TYW1B: variants seen among roughly 807,000 people sequenced by gnomAD.
TYW1B encodes S-adenosyl-L-methionine-dependent tRNA 4-demethylwyosine synthase TYW1B.
In TYW1B, 73 loss-of-function variants were observed where a neutral mutation model predicts 86.9. The observed-to-expected ratio is 0.84, with a 90% CI of 0.70 to 1.02. The LOEUF (loss-of-function observed/expected upper bound fraction) is 1.02, where lower values mean the gene tolerates loss of function less well. Ranked by LOEUF, TYW1B falls within the 50% of genes least tolerant of loss-of-function variation. TYW1B has a pLI of 0.00. For synonymous variants in TYW1B, 248 were observed against 292.8 expected (o/e 0.85, Z 1.56); for missense variants, 637 against 827.4 (o/e 0.77, Z 2.82).
intron 7 of TYW1B, among the ~76,000 whole-genome samples, chr7:72,776,191 T>C (rs1421653614): frequency 1.3e-5 from 2 of 152,086 alleles, no homozygotes; most frequent in Non-Finnish European, 2.9e-5. Flanking sequence ...AAAAATTACA[T>C]ACAGGTTAAG....
chr7:72,586,433 G>A (rs1554430506), intron 13 of TYW1B, among the ~76,000 whole-genome samples: 1 of 152,178 alleles, frequency 6.6e-6, no homozygotes, highest in African/African-American at 2.4e-5. Flanking sequence ...TCATTTGGTT[G>A]GCAGAGAATA....
At chr7:72,712,453 C>G (rs1489682242) in intron 10 of TYW1B, among the ~76,000 whole-genome samples, 1 of 152,036 alleles carries the variant, frequency 6.6e-6, no homozygotes. Context: ...CTCAGCCTCC[C>G]GAGTAGCTGG....
rs138203294 is a variant in TYW1B, at chr7:72,758,664, T to C, written c.965-14063A>G. On this transcript the variant is annotated intron_variant, in intron 7 of 13. Transcript: ENST00000620995. ...TCAGTCTGAGCCTCCTTCCTTTTAG[T>C]AGAGGCTTTTTTACTTTATTTGGAA... Among the ~76,000 whole-genome samples the C allele has an allele frequency of 2.7e-4, 41 of 152,254 alleles. No individual in the cohort carries two copies. In the East Asian group the frequency reaches 7.3e-3, roughly 27 times the overall value.
chr7:72,670,135 T>A (rs376939542), intron 11 of TYW1B, among the ~76,000 whole-genome samples: 21 of 152,174 alleles, frequency 1.4e-4, no homozygotes, highest in African/African-American at 4.8e-4. Flanking sequence ...TGTCTCTAAA[T>A]AGTAATAGCA....
intron 11 of TYW1B, among the ~76,000 whole-genome samples, chr7:72,657,954 T>C (rs2844177): frequency 0.8 from 121,031 of 152,170 alleles, 48,664 homozygotes; most frequent in Middle Eastern, 0.86. Flanking sequence ...TGGAAGTAAC[T>C]ATCACAAAGT....
intron 10 of TYW1B, among the ~76,000 whole-genome samples, chr7:72,702,875 A>C (rs1382278896): frequency 6.6e-6 from 1 of 151,740 alleles, no homozygotes; most frequent in East Asian, 1.9e-4. Flanking sequence ...CAGTATTCTC[A>C]TTGTTTTCAC....
intron 6 of TYW1B, among the ~76,000 whole-genome samples, chr7:72,786,199 C>T (rs556051671): frequency 6.6e-6 from 1 of 152,232 alleles, no homozygotes; most frequent in African/African-American, 2.4e-5. Context: ...TATCCCATAT[C>T]CCCTAGAAAT....
chr7:72,634,354 T>TC (rs1471946177), intron 11 of TYW1B, among the ~76,000 whole-genome samples: 1 of 147,590 alleles, frequency 6.8e-6, no homozygotes, highest in African/African-American at 2.5e-5. Flanking sequence ...TTTTTTTTTT[T>TC]TCTTTTTTTT....
intron 2 of TYW1B, among the ~76,000 whole-genome samples, chr7:72,825,960 G>A (rs1418319891): frequency 1.3e-5 from 2 of 152,158 alleles, no homozygotes; most frequent in African/African-American, 2.4e-5. Context: ...GGAAAAGGCT[G>A]GGAGAAAGAA....
intron 11 of TYW1B, among the ~76,000 whole-genome samples, chr7:72,679,861 AG>A (rs1563056822): frequency 6.6e-6 from 1 of 152,218 alleles, no homozygotes; most frequent in African/African-American, 2.4e-5. Context: ...CAGGAGCAGT[AG>A]ATCACCTCTG....
intron 6 of TYW1B, among the ~76,000 whole-genome samples, chr7:72,801,174 C>T (rs1788397948): frequency 1.3e-5 from 2 of 151,982 alleles, no homozygotes; most frequent in South Asian, 2.1e-4. Flanking sequence ...ACTAAAAATA[C>T]AAAAATTAGC....
At chr7:72,770,735 T>C (rs1312896994) in intron 7 of TYW1B, among the ~76,000 whole-genome samples, 2 of 152,126 alleles carry the variant, frequency 1.3e-5, no homozygotes, top group Admixed American at 1.3e-4. Context: ...TAGTACTTTT[T>C]TTCATAATAG....
chr7:72,596,179 C>CAAA (rs58325295), intron 13 of TYW1B, among the ~76,000 whole-genome samples: 31 of 56,336 alleles, frequency 5.5e-4, no homozygotes, highest in South Asian at 7.7e-4. Flanking sequence ...AACTCTGTCT[C>CAAA]AAAAAAAAAA....
chr7:72,814,720 C>G (rs1257634598), intron 3 of TYW1B, among the ~76,000 whole-genome samples: 2 of 151,864 alleles, frequency 1.3e-5, no homozygotes, highest in Non-Finnish European at 2.9e-5. Flanking sequence ...CACTCCAGAG[C>G]CTGGGTGAGA....
At chr7:72,811,270 CA>C (rs1243709262) in intron 3 of TYW1B, among the ~76,000 whole-genome samples, 1,319 of 67,758 alleles carry the variant, frequency 0.019, 13 homozygotes, top group African/African-American at 0.056. Flanking sequence ...GACTCCATCT[CA>C]AAAAAAAAAA....
intron 13 of TYW1B, among the ~76,000 whole-genome samples, chr7:72,603,798 T>C (rs1322745635): frequency 2.0e-5 from 3 of 152,044 alleles, no homozygotes; most frequent in Non-Finnish European, 2.9e-5. Context: ...GAGAAAAACA[T>C]CAGACAAATT....
At chr7:72,641,779 A>G (rs1274437259) in intron 11 of TYW1B, among the ~76,000 whole-genome samples, 1 of 152,198 alleles carries the variant, frequency 6.6e-6, no homozygotes, top group Non-Finnish European at 1.5e-5. Context: ...TTCGTTGTTC[A>G]TGTTAAAACA....
chr7:72,667,161 A>T (rs1281172664), intron 11 of TYW1B, among the ~76,000 whole-genome samples: 50 of 152,254 alleles, frequency 3.3e-4, no homozygotes, highest in African/African-American at 1.2e-3. Flanking sequence ...ATTCACATCA[A>T]CTGCTCAGGA....
intron 6 of TYW1B, among the ~76,000 whole-genome samples, chr7:72,798,050 T>C (rs1490945207): frequency 6.6e-6 from 1 of 151,696 alleles, no homozygotes; most frequent in Non-Finnish European, 1.5e-5. Context: ...CACACACATA[T>C]ATACATGCAT....
Sources: gnomAD v4.1 joint callset for allele counts (sites outside exome capture counted in the v4.1 genomes callset) on GRCh38, gnomAD v4.1.1 for gene constraint, MANE v1.5 for transcripts, NCBI Gene and HGNC (gene_info 2026-07-23, HGNC 2026-07-21) for gene names.